Variants in HERC2 observed in about 807,000 individuals in gnomAD.
HERC2 encodes HECT and RLD domain containing E3 ubiquitin protein ligase 2.
HERC2 carries 102 observed loss-of-function variants against 537.7 expected under a neutral mutation model. The ratio of observed to expected loss-of-function variants is 0.19; its 90% CI spans 0.16 to 0.22. The LOEUF (loss-of-function observed/expected upper bound fraction) is 0.22. Ranked by LOEUF, HERC2 falls within the 10% of genes least tolerant of loss-of-function variation. The pLI is 1.00. For synonymous variants in HERC2, 2,224 were observed against 2,466.2 expected (o/e 0.90, Z 2.91); for missense variants, 4,236 against 6,198.2 (o/e 0.68, Z 10.63).
rs148365790 is a variant in HERC2 at position 28,143,985 on chromosome 15, C to G, written c.11306G>C (p.Ser3769Thr). 218 of 1,614,024 alleles carry G rather than the reference C, an allele frequency of 1.4e-4. No homozygotes were observed. The highest frequency in any genetic ancestry group is 1.8e-4 in the Non-Finnish European group (212 of 1,180,044). ...ACAQLSALAA[S>T]HRMWALQRLR... Reference sequence around the variant, plus strand: ...TCTCTGAAGGGCCCACATTCTGTGACTGGCAGCTGAAATGAGCAGAGAGAA... The same window carrying G: ...TCTCTGAAGGGCCCACATTCTGTGAGTGGCAGCTGAAATGAGCAGAGAGAA... Residue 3769 changes from serine (S) to threonine (T), a missense_variant, in exon 74 of 93, where the codon AGT (serine) becomes ACT (threonine). Physicochemically the swap from Ser to Thr is moderately conservative, Grantham distance 58 (BLOSUM62 1). Transcript: ENST00000261609.
intron 86 of HERC2, chr15:28,117,607 T>A: frequency 2.2e-6 from 1 of 456,006 alleles, no homozygotes; most frequent in Non-Finnish European, 4.4e-6. Flanking sequence ...CTCCCGGCAC[T>A]CAAAGATTCA....
chr15:28,152,691 G>A lies in HERC2; in HGVS notation c.10886C>T (p.Thr3629Ile). 6.5e-7 allele frequency: 1 copy of A among 1,550,258 alleles called. No homozygotes were observed. Among genetic ancestry groups the A allele is most frequent in the Non-Finnish European group, 8.7e-7 (1 of 1,146,558 alleles). ...AGCCCCTGTACCTGGTATCTTCACT[G>A]TGCCACTGGTGGAGGTGTCGTCGGT... ...PYTDDTSTSGTVKIPGAEGLR... is the reference protein window; with the variant it reads ...PYTDDTSTSGIVKIPGAEGLR... Residue 3629 changes from threonine (T) to isoleucine (I), a missense_variant, in exon 70 of 93, where the codon ACA becomes ATA. This residue lies in a region of HERC2 where 356 missense variants were observed against 450.9 expected (regional missense o/e 0.79). Transcript: ENST00000261609.
chr15:28,114,557 C>A, intron 90 of HERC2, 55 bp downstream of exon 90: 2 of 1,535,184 alleles, frequency 1.3e-6, no homozygotes, highest in Non-Finnish European at 1.8e-6. Context: ...CACACAACCA[C>A]GTTCTGCTAC....
Position 28,177,327 on chromosome 15 carries a change from A to G in HERC2, c.9254+92T>C. ...TGTTTAAGAACCATTTCTATAATCT[A>G]TTCTATTCTAATTTTCTGCAAAATA... is the stretch of plus-strand genomic sequence containing the variant. On this transcript the variant is annotated intron_variant, in intron 60 of 92. Transcript: ENST00000261609. This position sits in a 1 kb window ranked among gnomAD's most constrained non-coding sequence, Gnocchi z 5.0. 6.5e-6 allele frequency: 9 copies of G among 1,389,304 alleles called. No homozygotes were observed. The South Asian group carries it at 1.1e-4, about 17-fold the overall frequency. 86.1% of individuals were successfully genotyped at this position (1,389,304 alleles called of 1,614,324 possible).
intron 68 of HERC2, among the ~76,000 whole-genome samples, chr15:28,163,898 G>C (rs1032207188): frequency 2.0e-5 from 3 of 152,068 alleles, no homozygotes; most frequent in African/African-American, 7.2e-5. Flanking sequence ...TCCTCTCCTT[G>C]TTTGCTATGA....
At position 28,269,433 on chromosome 15, in the gene HERC2, A is replaced by T. The variant is rs752159891; in HGVS notation, c.1261T>A (p.Ser421Thr). Residue 421 changes from serine (S) to threonine (T), a missense_variant, in exon 11 of 93, where the codon TCA (serine) becomes ACA (threonine). By Grantham distance (58) the Ser-to-Thr change is moderately conservative. Around this residue, in one of 27 missense-constraint regions of HERC2, gnomAD observed 491 missense variants for 559.3 expected, o/e 0.88. Transcript: ENST00000261609. ...CCCCAACCTATGACCTCTTGCAATG[A>T]TCCCTGTAAGATAAGAAAGTAAACA... is the stretch of plus-strand genomic sequence containing the variant. ...LCSSPTSHKGSLQEVIGWGLI... is the reference protein window; with the variant it reads ...LCSSPTSHKGTLQEVIGWGLI... The T allele has an allele frequency of 7.5e-6, 12 of 1,609,166 alleles. No individual in the cohort carries two copies. In the South Asian group the frequency reaches 1.2e-4, roughly 16 times the overall value.
At chr15:28,229,623 A>T in intron 32 of HERC2, 27 bp from the exon 33 acceptor site, 2 of 1,597,166 alleles carry the variant, frequency 1.3e-6, no homozygotes, top group Non-Finnish European at 1.7e-6. Flanking sequence ...CATACAGTTA[A>T]GTGTTATGTA....
intron 83 of HERC2, 36 bp from the exon 84 acceptor site, chr15:28,125,229 C>G: frequency 1.3e-6 from 2 of 1,549,020 alleles, no homozygotes; most frequent in Non-Finnish European, 1.8e-6. Flanking sequence ...AACCTGTATA[C>G]TAGGGCCAAC....
intron 68 of HERC2, among the ~76,000 whole-genome samples, chr15:28,163,763 T>C (rs887084614): frequency 2.0e-5 from 3 of 152,222 alleles, no homozygotes; most frequent in Non-Finnish European, 4.4e-5. Flanking sequence ...ATTAACACAC[T>C]ATCCAGTCTC....
chr15:28,291,235 AT>A (rs1285193310), intron 4 of HERC2, among the ~76,000 whole-genome samples: 1 of 151,576 alleles, frequency 6.6e-6, no homozygotes, highest in Non-Finnish European at 1.5e-5. Context: ...CCAAATACGA[AT>A]TTTTTTTTAA....
In HERC2 at chr15:28,177,206, T is replaced by C. The variant is rs1895371114; in HGVS notation, c.9255-79A>G. ...GAAGGAAAAAAGACATCTATACTGATCCACATGTAGTCAACACAGGATCCA... is the reference window on the plus strand; with the variant it reads ...GAAGGAAAAAAGACATCTATACTGACCCACATGTAGTCAACACAGGATCCA... On this transcript the variant is annotated intron_variant, in intron 60 of 92. Transcript: ENST00000261609. The surrounding 1 kb of genome is among the most constrained non-coding windows in gnomAD (Gnocchi z 5.0). 1 of 1,411,034 alleles carries C rather than the reference T, an allele frequency of 7.1e-7. No homozygotes were observed. The highest frequency in any genetic ancestry group is 2.0e-5 in the Admixed American group (1 of 49,946). 87.4% of individuals were successfully genotyped at this position (1,411,034 alleles called of 1,614,324 possible). A position where few individuals can be genotyped will look rare whatever the true frequency, so the allele number is the denominator to read the frequency against.
chr15:28,134,218 A>T (rs1421426983), intron 79 of HERC2, among the ~76,000 whole-genome samples: 22 of 152,158 alleles, frequency 1.4e-4, no homozygotes, highest in Admixed American at 1.4e-3. Context: ...TAGTTTTTCA[A>T]TTCTGGGAGA....
chr15:28,161,353 G>C (rs1218730262), intron 69 of HERC2, among the ~76,000 whole-genome samples: 1 of 152,118 alleles, frequency 6.6e-6, no homozygotes, highest in Non-Finnish European at 1.5e-5. Context: ...CACAGAAACT[G>C]CCTAAACTAA....
At chr15:28,273,336 G>A (rs919316095) in intron 7 of HERC2, among the ~76,000 whole-genome samples, 2 of 152,054 alleles carry the variant, frequency 1.3e-5, no homozygotes, top group African/African-American at 4.8e-5. Context: ...TTTCAATGAC[G>A]TATAAGACTA....
intron 2 of HERC2, among the ~76,000 whole-genome samples, chr15:28,316,301 T>C (rs1468019440): frequency 6.7e-6 from 1 of 149,750 alleles, no homozygotes; most frequent in Non-Finnish European, 1.5e-5. Flanking sequence ...TTTTAATAAC[T>C]AGTATTACTA....
At chr15:28,223,131 CAG>C (rs1206884184) in intron 35 of HERC2, among the ~76,000 whole-genome samples, 1 of 152,164 alleles carries the variant, frequency 6.6e-6, no homozygotes, top group Non-Finnish European at 1.5e-5. Context: ...TGGGTGGCTA[CAG>C]AGTCATCCAT....
intron 4 of HERC2, among the ~76,000 whole-genome samples, chr15:28,282,986 CTGGAT>C (rs2076061976): frequency 8.3e-6 from 1 of 120,884 alleles, no homozygotes; most frequent in African/African-American, 3.2e-5. Flanking sequence ...CGGGACGGGA[CTGGAT>C]GGGACGGGAT....
chr15:28,240,216 A>G (rs1199112191), intron 23 of HERC2, among the ~76,000 whole-genome samples: 2 of 152,240 alleles, frequency 1.3e-5, no homozygotes, highest in South Asian at 2.1e-4. Flanking sequence ...CAGGAGATGG[A>G]GACCATCCTG....
intron 75 of HERC2, among the ~76,000 whole-genome samples, 197 bp downstream of exon 75, chr15:28,142,630 C>T (rs1004197146): frequency 6.6e-5 from 10 of 152,162 alleles, no homozygotes; most frequent in Non-Finnish European, 1.5e-4. Flanking sequence ...CATCTCAAGG[C>T]ATGCTAACGG....
Sources: allele counts gnomAD v4.1 joint callset (sites outside exome capture counted in the v4.1 genomes callset), GRCh38; gene constraint gnomAD v4.1.1; regional missense constraint gnomAD v4.1.1; non-coding constraint Gnocchi (gnomAD v3.1); transcripts MANE v1.5; gene names NCBI Gene and HGNC (gene_info 2026-07-23, HGNC 2026-07-21).